CDC16: variants seen among roughly 807,000 people sequenced by gnomAD.
CDC16 encodes the protein cell division cycle 16, also known as cell division cycle protein 16 homolog.
CDC16 carries 34 observed loss-of-function variants against 87.0 expected under a neutral mutation model. That is an observed-to-expected ratio of 0.39 (90% CI 0.30 to 0.52). The LOEUF is 0.52. Among genes scored for constraint, CDC16 ranks in the 20% least tolerant of loss-of-function variants. The pLI is 0.74. For missense variants in CDC16, 653 were observed against 751.9 expected (o/e 0.87, Z 1.54); for synonymous variants, 263 against 260.6 (o/e 1.01, Z -0.09).
chr13:114,262,846 T>TAAAA, intron 15 of CDC16, 33 bp from the exon 16 acceptor site: 1 of 1,613,006 alleles, frequency 6.2e-7, no homozygotes, highest in African/African-American at 1.3e-5. Flanking sequence ...TTAGTGCTTT[T>TAAAA]ACTGTAGCCA....
intron 5 of CDC16, among the ~76,000 whole-genome samples, chr13:114,241,305 G>T (rs1313538897): frequency 6.6e-6 from 1 of 152,232 alleles, no homozygotes; most frequent in Admixed American, 6.5e-5. Flanking sequence ...GAGGCCAAGA[G>T]AGGTTCAATC....
chr13:114,251,975 G>GCCCTGTTGGATAAGAGCCCTACACTAA (rs1566659271), intron 12 of CDC16, among the ~76,000 whole-genome samples: 2 of 147,316 alleles, frequency 1.4e-5, no homozygotes, highest in Non-Finnish European at 3.0e-5. Flanking sequence ...CCCTACACTA[G>GCCCTGTTGGATAAGAGCCCTACACTAA]CCCTGTTGGA....
At chr13:114,239,104 A>G (rs567483606) in intron 4 of CDC16, 76 bp downstream of exon 4, 6 of 1,553,004 alleles carry the variant, frequency 3.9e-6, no homozygotes, top group Non-Finnish European at 5.3e-6. Flanking sequence ...ATGTGTGAGA[A>G]TTTTAGTGAT....
Position 114,236,936 on chromosome 13 carries a change from A to T in CDC16, c.201+40A>T, listed in dbSNP as rs750520923. On this transcript the variant is annotated intron_variant, in intron 3 of 17. Transcript: ENST00000356221. ...GAACTTTAAAGCTCTTCAGAGCTTTAAAAAAAATGTCATTAGTGGCCGGGC... is the reference window on the plus strand; with the variant it reads ...GAACTTTAAAGCTCTTCAGAGCTTTTAAAAAAATGTCATTAGTGGCCGGGC... 8 of 1,303,510 alleles carry T rather than the reference A, an allele frequency of 6.1e-6. No homozygotes were observed. In the Admixed American group the frequency reaches 7.3e-5, roughly 12 times the overall value. The allele number at this position is 1,303,510 out of a possible 1,614,324, so 80.7% of individuals were successfully genotyped here. A position where few individuals can be genotyped will look rare whatever the true frequency, so the allele number is the denominator to read the frequency against.
chr13:114,244,856 T>G (rs756957289), intron 8 of CDC16, 34 bp from the exon 9 acceptor site: 1 of 1,436,470 alleles, frequency 7.0e-7, no homozygotes, highest in Admixed American at 1.7e-5. Context: ...CACCTGCTGG[T>G]TTGGGGGTAG....
At chr13:114,271,148 C>T (rs1046351606) in intron 17 of CDC16, among the ~76,000 whole-genome samples, 3 of 152,018 alleles carry the variant, frequency 2.0e-5, no homozygotes, top group African/African-American at 7.2e-5. Flanking sequence ...GTCTCGATCT[C>T]CTGACCTCGT....
At chr13:114,247,466 C>G (rs549595703) in intron 11 of CDC16, among the ~76,000 whole-genome samples, 11 of 151,596 alleles carry the variant, frequency 7.3e-5, no homozygotes, top group South Asian at 2.1e-4. Flanking sequence ...CCATGCCTGG[C>G]TGAATAAATG....
intron 17 of CDC16, among the ~76,000 whole-genome samples, chr13:114,268,775 T>C (rs578230462): frequency 6.6e-6 from 1 of 152,286 alleles, no homozygotes; most frequent in South Asian, 2.1e-4. Context: ...ATCACGCCAC[T>C]GCACTCCAGC....
chr13:114,254,309 ATTTC>A (rs777924168), intron 12 of CDC16, among the ~76,000 whole-genome samples: 7 of 151,766 alleles, frequency 4.6e-5, no homozygotes, highest in Non-Finnish European at 8.8e-5. Context: ...TTGTTCCTGT[ATTTC>A]TTCTTTTGTG....
At chr13:114,270,763 C>T (rs1034867730) in intron 17 of CDC16, among the ~76,000 whole-genome samples, 4 of 152,176 alleles carry the variant, frequency 2.6e-5, no homozygotes, top group Non-Finnish European at 5.9e-5. Flanking sequence ...CTCAGCTCTG[C>T]CCCTCGGCAG....
At chr13:114,237,082 G>C (rs553266404) in intron 3 of CDC16, among the ~76,000 whole-genome samples, 186 bp downstream of exon 3, 1 of 152,026 alleles carries the variant, frequency 6.6e-6, no homozygotes, top group Admixed American at 6.5e-5. Context: ...AAAATTAGCC[G>C]GACGTGGTGG....
chr13:114,246,286 T>C (rs772288958), intron 10 of CDC16, among the ~76,000 whole-genome samples: 2 of 152,242 alleles, frequency 1.3e-5, no homozygotes, highest in Admixed American at 6.5e-5. Flanking sequence ...TTTCTGATTA[T>C]AGAAGTTATA....
intron 5 of CDC16, among the ~76,000 whole-genome samples, chr13:114,239,963 T>G (rs2138871988): frequency 6.6e-6 from 1 of 152,228 alleles, no homozygotes; most frequent in East Asian, 1.9e-4. Context: ...CTGGCAGACA[T>G]CATATAGTAA....
At chr13:114,270,914 C>CTTTTTTTTT (rs571053869) in intron 17 of CDC16, among the ~76,000 whole-genome samples, 2 of 101,140 alleles carry the variant, frequency 2.0e-5, no homozygotes, top group Non-Finnish European at 3.8e-5. Context: ...AGAGATTTAC[C>CTTTTTTTTT]TTTTTTTTTT....
chr13:114,247,070 A>G (rs1306439543), intron 11 of CDC16, 66 bp downstream of exon 11: 3 of 928,220 alleles, frequency 3.2e-6, no homozygotes, highest in Non-Finnish European at 5.3e-6. Flanking sequence ...TAAGCTTTCA[A>G]GTAGTAATTA....
intron 5 of CDC16, among the ~76,000 whole-genome samples, chr13:114,241,181 G>A (rs1279449537): frequency 6.6e-6 from 1 of 152,166 alleles, no homozygotes; most frequent in East Asian, 1.9e-4. Context: ...CTATGTGCTA[G>A]CACCACAGAG....
chr13:114,239,408 A>T lies in CDC16; in HGVS notation c.299A>T (p.Asn100Ile). ...GTTCTTGACATGGAAGAGCCCATCA[A>T]TAAAAGATTATTTGAAAAATACTTG... The part of the protein sequence containing the change: ...LDVLDMEEPI[N>I]KRLFEKYLKD... Residue 100 changes from asparagine (N) to isoleucine (I), a missense_variant, in exon 5 of 18, where the codon AAT becomes ATT. Asn to Ile is a moderately radical substitution (Grantham distance 149, BLOSUM62 -3). Coordinates refer to ENST00000356221, the MANE Select transcript of CDC16 (RefSeq NM_001078645.3). 1 of 1,613,476 alleles carries T rather than the reference A, an allele frequency of 6.2e-7. No individual in the cohort carries two copies. The highest frequency in any genetic ancestry group is 8.5e-7 in the Non-Finnish European group (1 of 1,179,464).
At chr13:114,247,072 T>C in intron 11 of CDC16, 68 bp downstream of exon 11, 3 of 929,220 alleles carry the variant, frequency 3.2e-6, no homozygotes, top group Non-Finnish European at 3.5e-6. Context: ...AGCTTTCAAG[T>C]AGTAATTAGT....
intron 12 of CDC16, among the ~76,000 whole-genome samples, chr13:114,251,239 T>C (rs991857742): frequency 6.6e-6 from 1 of 152,068 alleles, no homozygotes; most frequent in Non-Finnish European, 1.5e-5. Context: ...GTAGTGGGAG[T>C]GCAGTGGTCC....
Sources: allele counts gnomAD v4.1 joint callset (sites outside exome capture counted in the v4.1 genomes callset), GRCh38; gene constraint gnomAD v4.1.1; transcripts MANE v1.5; gene names NCBI Gene and HGNC (gene_info 2026-07-23, HGNC 2026-07-21).